Variants in RYR2 observed in about 807,000 individuals in gnomAD.
The protein encoded by RYR2 is ryanodine receptor 2.
A neutral mutation model predicts 601.1 loss-of-function variants in RYR2; 227 were observed. The observed-to-expected ratio is 0.38, with a 90% CI of 0.34 to 0.42. RYR2 has a LOEUF of 0.42. RYR2 is among the 10% of genes least tolerant of loss of function. The pLI is 1.00. For missense variants in RYR2, 4,646 were observed against 6,156.5 expected (o/e 0.75, Z 8.21); for synonymous variants, 2,223 against 2,175.1 (o/e 1.02, Z -0.61).
chr1:237,211,577 A>G (rs961164400), intron 1 of RYR2, among the ~76,000 whole-genome samples: 4 of 152,200 alleles, frequency 2.6e-5, no homozygotes, highest in African/African-American at 9.6e-5. Context: ...CTACCATTGC[A>G]CCAATTTTTA....
Position 237,744,284 on chromosome 1 carries a change from G to A in RYR2, c.11145+1935G>A, listed in dbSNP as rs548264094. 1.0e-3 allele frequency among the ~76,000 whole-genome samples: 156 copies of A among 150,560 alleles called. 2 individuals carry two copies. Among genetic ancestry groups the A allele is most frequent in the Non-Finnish European group, 1.9e-3 (131 of 67,764 alleles). On this transcript the variant is annotated intron_variant, in intron 80 of 104. Coordinates refer to ENST00000366574, the MANE Select transcript of RYR2 (RefSeq NM_001035.3). ...TTATTTTCATAAGGCTATATGGTAG[G>A]AAAATCAATCATAAACATTCTGTGA... is the stretch of plus-strand genomic sequence containing the variant.
intron 1 of RYR2, among the ~76,000 whole-genome samples, chr1:237,049,305 A>G (rs915189640): frequency 6.6e-6 from 1 of 152,192 alleles, no homozygotes; most frequent in African/African-American, 2.4e-5. Context: ...GGTGACTTCC[A>G]GGGGCACTGT....
chr1:237,148,523 AAAAAAT>A (rs1365980339), intron 1 of RYR2, among the ~76,000 whole-genome samples: 10 of 48,300 alleles, frequency 2.1e-4, no homozygotes, highest in East Asian at 9.0e-4. Flanking sequence ...AGTAAAAAAA[AAAAAAT>A]ATATATATAT....
intron 1 of RYR2, among the ~76,000 whole-genome samples, chr1:237,048,016 G>A (rs1236469941): frequency 6.6e-6 from 1 of 152,114 alleles, no homozygotes; most frequent in Non-Finnish European, 1.5e-5. Context: ...CGACAGCCCT[G>A]GGCCTTCACT....
At chr1:237,352,184 C>A (rs1698912577) in intron 3 of RYR2, among the ~76,000 whole-genome samples, 1 of 151,966 alleles carries the variant, frequency 6.6e-6, no homozygotes, top group Non-Finnish European at 1.5e-5. Flanking sequence ...ATATTGAATT[C>A]TTTCAAGGCA....
At chr1:237,252,721 C>A (rs1005983234) in intron 1 of RYR2, among the ~76,000 whole-genome samples, 3 of 152,208 alleles carry the variant, frequency 2.0e-5, no homozygotes, top group South Asian at 2.1e-4. Flanking sequence ...TTGTGACAAT[C>A]CTCTAAGGTG....
At chr1:237,393,332 A>C (rs1353161831) in intron 10 of RYR2, among the ~76,000 whole-genome samples, 1 of 152,222 alleles carries the variant, frequency 6.6e-6, no homozygotes, top group Non-Finnish European at 1.5e-5. Flanking sequence ...ATGCATGACA[A>C]GATTTTTACC....
intron 1 of RYR2, among the ~76,000 whole-genome samples, chr1:237,116,661 G>C (rs1029878249): frequency 1.3e-5 from 2 of 152,124 alleles, no homozygotes; most frequent in Non-Finnish European, 2.9e-5. Context: ...ACCCAGGAAG[G>C]CTGGTGATAT....
Position 237,454,589 on chromosome 1 carries a change from A to T in RYR2, c.1476+15A>T. The T allele has an allele frequency of 1.2e-6, 2 of 1,610,700 alleles. No individual in the cohort carries two copies. The highest frequency in any genetic ancestry group is 1.7e-6 in the Non-Finnish European group (2 of 1,178,024). On this transcript the variant is annotated intron_variant, in intron 15 of 104. Transcript: ENST00000366574. The stretch of plus-strand genomic sequence containing the variant: ...TCCAGGAAGAGGTCCGTTTCTATCA[A>T]CACTCATTTCTCTTCTGTTATTCTC...
chr1:237,711,680 G>A, intron 70 of RYR2, 65 bp from the exon 71 acceptor site: 1 of 780,066 alleles, frequency 1.3e-6, no homozygotes, highest in Non-Finnish European at 2.2e-6. Flanking sequence ...CAGGTTCTGT[G>A]TAACCTCTAA....
At chr1:237,223,434 G>T (rs1280877154) in intron 1 of RYR2, among the ~76,000 whole-genome samples, 2 of 152,118 alleles carry the variant, frequency 1.3e-5, no homozygotes, top group African/African-American at 4.8e-5. Flanking sequence ...ATTTTGGAGA[G>T]GATACATTTA....
At chr1:237,658,163 TATATAATA>T in intron 54 of RYR2, 141 bp downstream of exon 54, 1 of 444,664 alleles carries the variant, frequency 2.2e-6, no homozygotes, top group Non-Finnish European at 4.0e-6. Flanking sequence ...ACAATTAGCT[TATATAATA>T]ATATAATATT....
chr1:237,139,793 C>T (rs191871301), intron 1 of RYR2, among the ~76,000 whole-genome samples: 42 of 152,292 alleles, frequency 2.8e-4, no homozygotes, highest in East Asian at 2.5e-3. Context: ...TTTTACACAG[C>T]GCAAAACACT....
intron 84 of RYR2, among the ~76,000 whole-genome samples, chr1:237,768,837 G>A (rs947981447): frequency 2.0e-5 from 3 of 152,098 alleles, no homozygotes; most frequent in Non-Finnish European, 2.9e-5. Flanking sequence ...GATGGTAAAC[G>A]AAGGCCTGAC....
intron 1 of RYR2, among the ~76,000 whole-genome samples, chr1:237,225,019 C>T (rs1003300263): frequency 1.3e-5 from 2 of 152,134 alleles, no homozygotes; most frequent in Non-Finnish European, 2.9e-5. Context: ...AACCACTATG[C>T]TGTGTTTCCC....
chr1:237,102,914 A>AACTTATC (rs1254079365), intron 1 of RYR2, among the ~76,000 whole-genome samples: 12 of 152,318 alleles, frequency 7.9e-5, no homozygotes, highest in Admixed American at 4.6e-4. Context: ...ACACGTATAA[A>AACTTATC]ACTTATCAAA....
In RYR2 at chr1:237,180,779, A is replaced by C. The variant is rs1014146606; in HGVS notation, c.49-89718A>C. Among the ~76,000 whole-genome samples the C allele has an allele frequency of 6.8e-6, 1 of 147,930 alleles. No homozygotes were observed. Among genetic ancestry groups the C allele is most frequent in the Non-Finnish European group, 1.5e-5 (1 of 67,248 alleles). On this transcript the variant is annotated intron_variant, in intron 1 of 104. Transcript: ENST00000366574. This position sits in a 1 kb window ranked among gnomAD's most constrained non-coding sequence, Gnocchi z 5.3. ...TTAATATGTTAATAGTAATATGCTA[A>C]CATGAATTATACCAATTATATAATA...
intron 10 of RYR2, among the ~76,000 whole-genome samples, chr1:237,411,831 G>A (rs1316403689): frequency 6.6e-5 from 10 of 152,174 alleles, no homozygotes; most frequent in Non-Finnish European, 1.5e-5. Context: ...GAGAGTAACT[G>A]TGATGTCATT....
At chr1:237,411,818 CAA>C (rs1018168943) in intron 10 of RYR2, among the ~76,000 whole-genome samples, 25 of 152,104 alleles carry the variant, frequency 1.6e-4, no homozygotes, top group African/African-American at 6.0e-4. Context: ...GCAGAACAAA[CAA>C]GAGAGTAACT....
Sources: allele counts gnomAD v4.1 joint callset (sites outside exome capture counted in the v4.1 genomes callset), GRCh38; gene constraint gnomAD v4.1.1; non-coding constraint Gnocchi (gnomAD v3.1); transcripts MANE v1.5; gene names NCBI Gene and HGNC (gene_info 2026-07-23, HGNC 2026-07-21).